The following NBN variants were observed in gnomAD, a reference collection of about 807,000 sequenced individuals.
The protein encoded by NBN is Nijmegen breakage syndrome 1 (nibrin).
Under a neutral mutation model 90.8 loss-of-function variants are expected in NBN, and 88 were observed. The observed-to-expected ratio is 0.97, with a 90% CI of 0.82 to 1.16. The LOEUF is 1.16. Among genes scored for constraint, NBN ranks in the 50% most tolerant of loss-of-function variants. The pLI is 0.00. For synonymous variants in NBN, 328 were observed against 295.1 expected (o/e 1.11, Z -1.14); for missense variants, 894 against 869.6 (o/e 1.03, Z -0.35).
At chr8:89,949,471 C>T (rs1475762489) in intron 11 of NBN, among the ~76,000 whole-genome samples, 4 of 152,122 alleles carry the variant, frequency 2.6e-5, no homozygotes, top group Admixed American at 1.3e-4. Context: ...ACTATAGACA[C>T]AGTGGGTGCT....
intron 2 of NBN, chr8:89,981,960 AT>A: frequency 8.3e-7 from 1 of 1,198,448 alleles, no homozygotes; most frequent in Non-Finnish European, 1.1e-6. Flanking sequence ...TACAGTAACA[AT>A]TTTACTTTTT....
rs768715280 is a variant in NBN at position 89,946,157 on chromosome 8, A to C, written c.2053T>G (p.Phe685Val). 1 of 1,594,532 alleles carries C rather than the reference A, an allele frequency of 6.3e-7. No individual in the cohort carries two copies. Among genetic ancestry groups the C allele is most frequent in the Non-Finnish European group, 8.6e-7 (1 of 1,163,392 alleles). ...INDDYGQLKNFKKFKKVTYPG... is the reference protein window; with the variant it reads ...INDDYGQLKNVKKFKKVTYPG... ...ATACCTACCTTTTTGAATTTCTTGA[A>C]ATTTTTTAGTTGACCATAATCATCA... The change falls in exon 13 of 16, where the codon TTC becomes GTC. Residue 685 changes from phenylalanine (F) to valine (V), a missense_variant. By Grantham distance (50) the Phe-to-Val change is conservative. Transcript: ENST00000265433.
At chr8:89,936,777 G>T (rs1313356529) in intron 15 of NBN, among the ~76,000 whole-genome samples, 2 of 152,066 alleles carry the variant, frequency 1.3e-5, no homozygotes, top group African/African-American at 4.8e-5. Context: ...CACACAATTC[G>T]GGAACCGTCT....
At chr8:89,967,743 C>T (rs1309320921) in intron 7 of NBN, among the ~76,000 whole-genome samples, 1 of 152,184 alleles carries the variant, frequency 6.6e-6, no homozygotes, top group Non-Finnish European at 1.5e-5. Flanking sequence ...CCAAAAGACA[C>T]TTAATCTTTA....
chr8:89,942,057 A>AT (rs1809974204), intron 14 of NBN, among the ~76,000 whole-genome samples: 1 of 152,174 alleles, frequency 6.6e-6, no homozygotes, highest in Admixed American at 6.5e-5. Context: ...CTCTGCTTTA[A>AT]TGTCTATACG....
chr8:89,965,044 G>A (rs191766121), intron 7 of NBN, among the ~76,000 whole-genome samples: 5 of 152,138 alleles, frequency 3.3e-5, no homozygotes. Context: ...AACTTATGAG[G>A]TGGAGGTTGC....
At chr8:89,962,682 C>A (rs1043963203) in intron 8 of NBN, among the ~76,000 whole-genome samples, 1 of 152,156 alleles carries the variant, frequency 6.6e-6, no homozygotes, top group Non-Finnish European at 1.5e-5. Flanking sequence ...TAAAACTTCA[C>A]AAGAACTTAC....
chr8:89,945,018 T>C (rs1810124395), intron 13 of NBN, among the ~76,000 whole-genome samples: 1 of 152,260 alleles, frequency 6.6e-6, no homozygotes, highest in African/African-American at 2.4e-5. Context: ...GCAGTATTTT[T>C]AAACATTTTA....
Position 89,947,815 on chromosome 8 carries a change from G to A in NBN, c.1914+9C>T, listed in dbSNP as rs13312938. ...AAATCTGTATAAAAATTAATAAAAC[G>A]TTTCTCACAGATATTTCTTTAGCTG... On this transcript the variant is annotated intron_variant, in intron 12 of 15. Transcript: ENST00000265433. 3.3e-3 allele frequency: 4,986 copies of A among 1,521,356 alleles called. 122 individuals are homozygous for A. The African/African-American group carries it at 0.059, about 18-fold the overall frequency. The allele number at this position is 1,521,356 out of a possible 1,614,324, so 94.2% of individuals were successfully genotyped here.
In NBN at chr8:89,970,493, T is replaced by C. The variant is rs1554563994; in HGVS notation, c.767A>G (p.Asn256Ser). Residue 256 changes from asparagine (N) to serine (S), a missense_variant, in exon 7 of 16, where the codon AAT becomes AGT. Transcript: ENST00000265433. ...CAAAAAGAAATTATGTTCTTCTTCATTCTCTTCTGTTATCAACCTAGCTTC... is the reference window on the plus strand; with the variant it reads ...CAAAAAGAAATTATGTTCTTCTTCACTCTCTTCTGTTATCAACCTAGCTTC... ...GGEARLITEENEEEHNFFLAP... is the reference protein window; with the variant it reads ...GGEARLITEESEEEHNFFLAP... 6.2e-7 allele frequency: 1 copy of C among 1,613,802 alleles called. No homozygotes were observed. The highest frequency in any genetic ancestry group is 8.5e-7 in the Non-Finnish European group (1 of 1,179,746).
chr8:89,939,637 C>G (rs977358693), intron 14 of NBN, among the ~76,000 whole-genome samples: 1 of 152,158 alleles, frequency 6.6e-6, no homozygotes, highest in Non-Finnish European at 1.5e-5. Flanking sequence ...AATACTGTCT[C>G]AATCCATTAA....
chr8:89,981,814 C>T (rs1586109772), intron 2 of NBN: 12 of 540,744 alleles, frequency 2.2e-5, no homozygotes, highest in Non-Finnish European at 3.6e-5. Context: ...GAATTTTTTG[C>T]TTTGGTGCAG....
rs141680653 is a variant in NBN, at chr8:89,949,965, A to C, written c.1846-2073T>G. On this transcript the variant is annotated intron_variant, in intron 11 of 15. Coordinates refer to ENST00000265433, the MANE Select transcript of NBN (RefSeq NM_002485.5). ...AATTTAAAACAACCCCACATTGAGT[A>C]AGGTTGATGGATTTTATCAATGTCA... Among the ~76,000 whole-genome samples, 987 of 152,314 alleles carry C rather than the reference A, an allele frequency of 6.5e-3. 11 individuals are homozygous for C. The highest frequency in any genetic ancestry group is 0.022 in the African/African-American group (916 of 41,562).
Position 89,935,623 on chromosome 8 carries a change from A to G in NBN, c.2235-11T>C. 1 of 1,605,254 alleles carries G rather than the reference A, an allele frequency of 6.2e-7. No individual in the cohort carries two copies. The highest frequency in any genetic ancestry group is 2.2e-5 in the East Asian group (1 of 44,636). On this transcript the variant is annotated splice_polypyrimidine_tract_variant and intron_variant, in intron 15 of 15. Coordinates refer to ENST00000265433, the MANE Select transcript of NBN (RefSeq NM_002485.5). ...AAATAAGGATTGTATCTGCAAAGAAAGAAATGGGGTTAAATGATATTTAGA... is the reference window on the plus strand; with the variant it reads ...AAATAAGGATTGTATCTGCAAAGAAGGAAATGGGGTTAAATGATATTTAGA...
chr8:89,948,955 C>T (rs1228430033), intron 11 of NBN, among the ~76,000 whole-genome samples: 1 of 152,188 alleles, frequency 6.6e-6, no homozygotes, highest in Admixed American at 6.5e-5. Flanking sequence ...ATACGACCTA[C>T]CTAGATACTC....
chr8:89,955,401 G>A lies in NBN; in HGVS notation c.1279C>T (p.Pro427Ser). The change falls in exon 10 of 16, where the codon CCA becomes TCA. Residue 427 changes from proline (P) to serine (S), a missense_variant. By Grantham distance (74) the Pro-to-Ser change is moderately conservative. Transcript: ENST00000265433. ...VSNTLAKMRI[P>S]NYQLSPTKLP... ...TTAGTTGGTGAAAGCTGATAGTTTG[G>A]GATTCTCATCTTAGCCAAAGTATTT... 6.2e-7 allele frequency: 1 copy of A among 1,613,602 alleles called. No homozygotes were observed. Among genetic ancestry groups the A allele is most frequent in the Non-Finnish European group, 8.5e-7 (1 of 1,179,740 alleles).
Position 89,933,823 on chromosome 8 carries a change from AAT to A in NBN, c.*1757_*1758del, listed in dbSNP as rs1809543270. The A allele has an allele frequency of 4.3e-6, 1 of 232,484 alleles. No homozygotes were observed. Among genetic ancestry groups the A allele is most frequent in the Non-Finnish European group, 8.5e-6 (1 of 117,596 alleles). 14.4% of individuals were successfully genotyped at this position (232,484 alleles called of 1,614,324 possible). On this transcript the variant is annotated 3_prime_UTR_variant, in exon 16 of 16. Transcript: ENST00000265433. ...AGCCACAGACTAGGTGTAATATCTCAATACATATATCCGACAAGAGACTTGCA... is the reference window on the plus strand; with the variant it reads ...AGCCACAGACTAGGTGTAATATCTCAACATATATCCGACAAGAGACTTGCA...
intron 1 of NBN, 146 bp downstream of exon 1, chr8:89,984,379 G>C (rs1289141400): frequency 1.3e-6 from 1 of 758,298 alleles, no homozygotes; most frequent in African/African-American, 1.7e-5. Flanking sequence ...ATATGCGCTT[G>C]CCATACAGCG....
intron 11 of NBN, 40 bp from the exon 12 acceptor site, chr8:89,947,932 T>C (rs549313747): frequency 1.6e-6 from 2 of 1,215,460 alleles, no homozygotes; most frequent in African/African-American, 1.5e-5. Flanking sequence ...ATAGGAGTAA[T>C]AAAATGGTAT....
Sources: allele counts gnomAD v4.1 joint callset (sites outside exome capture counted in the v4.1 genomes callset), GRCh38; gene constraint gnomAD v4.1.1; transcripts MANE v1.5; gene names NCBI Gene and HGNC (gene_info 2026-07-23, HGNC 2026-07-21).